Variants in NBPF11 observed in about 807,000 individuals in gnomAD.
NBPF11 encodes NBPF family member NBPF11.
A neutral mutation model predicts 93.9 loss-of-function variants in NBPF11; 72 were observed. That is an observed-to-expected ratio of 0.77 (90% CI 0.63 to 0.93). NBPF11 has a LOEUF of 0.93. Ranked by LOEUF, NBPF11 falls within the 40% of genes least tolerant of loss-of-function variation. The pLI is 0.00. For synonymous variants in NBPF11, 224 were observed against 304.9 expected, an observed-to-expected ratio of 0.73 and a Z score of 2.76; for missense variants, 705 against 802.2, an observed-to-expected ratio of 0.88 and a Z score of 1.46.
chr1:148,115,162 C>CGCAAAAAAAAAAAA lies in NBPF11; in HGVS notation c.1585+630_1585+631insTTTTTTTTTTTTGC, dbSNP rs1666177688. ...CCTAGGTGACAGAGCAGGACTCCAT[C>CGCAAAAAAAAAAAA]ACAAAAAAAAAAAAAAAAAAAAAAA... is the stretch of plus-strand genomic sequence containing the variant. On this transcript the variant is annotated intron_variant, in intron 14 of 23. Coordinates refer to ENST00000682118, the MANE Select transcript of NBPF11 (RefSeq NM_001385469.3). 1.3e-4 allele frequency among the ~76,000 whole-genome samples: 2 copies of CGCAAAAAAAAAAAA among 15,168 alleles called. 1 individual carries two copies. The highest frequency in any genetic ancestry group is 1.9e-4 in the Non-Finnish European group (2 of 10,554). 10.0% of individuals were successfully genotyped at this position (15,168 alleles called of 152,430 possible). A position where few individuals can be genotyped will look rare whatever the true frequency, so the allele number is the denominator to read the frequency against.
chr1:148,119,943 C>G (rs1170761978), intron 10 of NBPF11, among the ~76,000 whole-genome samples: 11 of 152,218 alleles, frequency 7.2e-5, no homozygotes, highest in Non-Finnish European at 1.2e-4. Context: ...AGTGAGCCAC[C>G]ATGCACGGCC....
intron 1 of NBPF11, among the ~76,000 whole-genome samples, chr1:148,144,823 AGCTGGGCATGGTGGT>A (rs1359715681): frequency 6.6e-6 from 1 of 151,678 alleles, no homozygotes; most frequent in East Asian, 1.9e-4. Context: ...ATAAAAAATT[AGCTGGGCATGGTGGT>A]GCATGCCGTA....
At chr1:148,108,045 A>G (rs1164552178) in intron 18 of NBPF11, among the ~76,000 whole-genome samples, 3 of 150,636 alleles carry the variant, frequency 2.0e-5, no homozygotes, top group Admixed American at 1.3e-4. Context: ...CAATCGATTT[A>G]AAGCAAATGC....
At chr1:148,132,677 T>C (rs1670607199) in intron 4 of NBPF11, among the ~76,000 whole-genome samples, 1 of 144,922 alleles carries the variant, frequency 6.9e-6, no homozygotes, top group Non-Finnish European at 1.5e-5. Flanking sequence ...AAGCAATTTT[T>C]TGTAGTTTTT....
chr1:148,106,172 C>T lies in NBPF11; in HGVS notation c.2303+9G>A, dbSNP rs1663555675. 3 of 840,938 alleles carry T rather than the reference C, an allele frequency of 3.6e-6. No individual in the cohort carries two copies. The highest frequency in any genetic ancestry group is 1.7e-5 in the Admixed American group (1 of 58,870). The allele number at this position is 840,938 out of a possible 1,614,324, so 52.1% of individuals were successfully genotyped here. ...ACACAGAAGTAGCTGTTCACAATTG[C>T]TCAGTTACCTGGGGCACGGTGGGCC... On this transcript the variant is annotated intron_variant, in intron 21 of 23. Coordinates refer to ENST00000682118, the MANE Select transcript of NBPF11 (RefSeq NM_001385469.3).
At chr1:148,142,375 A>G (rs1267556508) in intron 2 of NBPF11, among the ~76,000 whole-genome samples, 100 of 151,946 alleles carry the variant, frequency 6.6e-4, no homozygotes, top group African/African-American at 2.3e-3. Flanking sequence ...CGCTGTTGCC[A>G]GAGACACTGA....
intron 12 of NBPF11, among the ~76,000 whole-genome samples, chr1:148,116,877 A>G (rs1441346846): frequency 4.4e-4 from 64 of 145,134 alleles, no homozygotes; most frequent in East Asian, 1.4e-3. Flanking sequence ...GTCCTGTCAC[A>G]GTTTGCATTT....
chr1:148,122,389 T>A, intron 8 of NBPF11, 123 bp from the exon 9 acceptor site: 1 of 1,515,890 alleles, frequency 6.6e-7, no homozygotes, highest in Non-Finnish European at 9.1e-7. Context: ...AAATGGAGGT[T>A]CCCTTTAAGA....
intron 9 of NBPF11, among the ~76,000 whole-genome samples, chr1:148,121,264 G>T (rs1432958442): frequency 6.6e-6 from 1 of 151,610 alleles, no homozygotes; most frequent in East Asian, 1.9e-4. Flanking sequence ...GGCTGGTTTC[G>T]AACTCCTGAG....
In NBPF11 at chr1:148,120,639, C is replaced by T; in HGVS notation, c.850G>A (p.Ala284Thr). ...TTGATTTCTAGAATGTTCATCTCTG[C>T]CTTCTCGCTGGACAAAGGGCCGGCT... ...VSAGPLSSEK[A>T]EMNILEINEK... Residue 284 changes from alanine (A) to threonine (T), a missense_variant, in exon 10 of 24, where the codon GCA (alanine) becomes ACA (threonine). Around this residue, in one of 12 missense-constraint regions of NBPF11, gnomAD observed 262 missense variants for 223.1 expected, o/e 1.17. Coordinates refer to ENST00000682118, the MANE Select transcript of NBPF11 (RefSeq NM_001385469.3). 1 of 1,545,168 alleles carries T rather than the reference C, an allele frequency of 6.5e-7. No homozygotes were observed. The highest frequency in any genetic ancestry group is 8.9e-7 in the Non-Finnish European group (1 of 1,119,158).
chr1:148,123,755 A>C (rs1352170367), intron 7 of NBPF11, 98 bp downstream of exon 7: 4 of 1,609,012 alleles, frequency 2.5e-6, no homozygotes, highest in African/African-American at 1.3e-5. Context: ...GTAGTAGAAA[A>C]AAACCCCACT....
intron 13 of NBPF11, 151 bp from the exon 14 acceptor site, chr1:148,116,149 G>C: frequency 1.8e-6 from 2 of 1,099,460 alleles, no homozygotes; most frequent in Middle Eastern, 2.9e-4. Context: ...ATGCAATCCT[G>C]TTCTGTCTGC....
intron 3 of NBPF11, among the ~76,000 whole-genome samples, chr1:148,136,393 A>G (rs1482792698): frequency 2.0e-5 from 3 of 152,042 alleles, no homozygotes; most frequent in African/African-American, 7.3e-5. Context: ...ATATCTATCA[A>G]TACAAGAATG....
chr1:148,137,030 T>C (rs1308103877), intron 3 of NBPF11, among the ~76,000 whole-genome samples: 50 of 151,964 alleles, frequency 3.3e-4, no homozygotes, highest in African/African-American at 1.1e-3. Flanking sequence ...CTGTGGTAGA[T>C]GGAATTTCTG....
At chr1:148,148,275 G>A (rs1184446855) in intron 1 of NBPF11, among the ~76,000 whole-genome samples, 24 of 152,244 alleles carry the variant, frequency 1.6e-4, no homozygotes, top group Non-Finnish European at 2.9e-4. Context: ...CAGGCAGAGG[G>A]GACGCACACC....
rs200877174 is a variant in NBPF11, at chr1:148,132,236, T to C, written c.-36+3436A>G. On this transcript the variant is annotated intron_variant, in intron 4 of 23. Transcript: ENST00000682118. ...ATATACACACACACACACACACACA[T>C]GTTTGTGTGTGTGTGTGTGGGGGTG... 6.5e-3 allele frequency among the ~76,000 whole-genome samples: 495 copies of C among 75,870 alleles called. 1 individual carries two copies. Among genetic ancestry groups the C allele is most frequent in the African/African-American group, 0.016 (338 of 20,696 alleles). The allele number at this position is 75,870 out of a possible 152,430, so 49.8% of individuals were successfully genotyped here.
intron 3 of NBPF11, 126 bp from the exon 4 acceptor site, chr1:148,135,939 T>A: frequency 1.4e-6 from 1 of 690,188 alleles, no homozygotes; most frequent in East Asian, 2.8e-5. Flanking sequence ...CTCATACTGG[T>A]CACAGGATTC....
intron 1 of NBPF11, chr1:148,146,786 A>C: frequency 6.2e-7 from 1 of 1,613,316 alleles, no homozygotes; most frequent in Non-Finnish European, 8.5e-7. Flanking sequence ...AGCAGCTTCT[A>C]CATTGGCCTG....
chr1:148,151,106 T>A (rs1367473875), intron 1 of NBPF11, among the ~76,000 whole-genome samples: 1 of 151,836 alleles, frequency 6.6e-6, no homozygotes, highest in Non-Finnish European at 1.5e-5. Flanking sequence ...CTAAGAAGCC[T>A]CAAAGAAAGA....
Sources: gnomAD v4.1 joint callset for allele counts (sites outside exome capture counted in the v4.1 genomes callset) on GRCh38, gnomAD v4.1.1 for gene constraint, gnomAD v4.1.1 regional missense constraint, MANE v1.5 for transcripts, NCBI Gene and HGNC (gene_info 2026-07-23, HGNC 2026-07-21) for gene names.